Variants in MARCHF3 observed in about 807,000 individuals in gnomAD.
MARCHF3 encodes the protein membrane associated ring-CH-type finger 3.
MARCHF3 carries 13 observed loss-of-function variants against 24.2 expected under a neutral mutation model. The ratio of observed to expected loss-of-function variants is 0.54; its 90% CI spans 0.35 to 0.85. The LOEUF (loss-of-function observed/expected upper bound fraction) is 0.85, where lower values mean the gene tolerates loss of function less well. MARCHF3 is among the 40% of genes least tolerant of loss of function. MARCHF3 has a pLI of 0.01. For synonymous variants in MARCHF3, 144 were observed against 137.3 expected (o/e 1.05, Z -0.34); for missense variants, 276 against 325.0 (o/e 0.85, Z 1.16).
chr5:126,935,154 T>C (rs956654825), intron 1 of MARCHF3, among the ~76,000 whole-genome samples: 2 of 152,174 alleles, frequency 1.3e-5, no homozygotes, highest in Non-Finnish European at 2.9e-5. Flanking sequence ...GACTGGGCCA[T>C]AAGATGTCCA....
intron 1 of MARCHF3, among the ~76,000 whole-genome samples, chr5:126,927,645 C>T (rs946897345): frequency 5.3e-5 from 8 of 152,118 alleles, no homozygotes; most frequent in African/African-American, 1.9e-4. Context: ...GTGGGAGGAC[C>T]GGCATGCTGT....
chr5:126,979,294 T>A (rs1314959403), intron 1 of MARCHF3, among the ~76,000 whole-genome samples: 1 of 152,242 alleles, frequency 6.6e-6, no homozygotes, highest in Admixed American at 6.5e-5. Flanking sequence ...AGCACAAAGC[T>A]TGGCAAACAT....
At chr5:126,978,559 T>G (rs1751281070) in intron 1 of MARCHF3, among the ~76,000 whole-genome samples, 1 of 152,208 alleles carries the variant, frequency 6.6e-6, no homozygotes, top group Non-Finnish European at 1.5e-5. Flanking sequence ...ATTAAACATG[T>G]GACAGATATA....
chr5:126,957,644 G>A (rs1580681089), intron 1 of MARCHF3, among the ~76,000 whole-genome samples: 1 of 151,964 alleles, frequency 6.6e-6, no homozygotes, highest in Middle Eastern at 3.2e-3. Context: ...ACTTGAATCT[G>A]TTCCTAGATT....
chr5:127,021,128 T>G (rs74636254), intron 1 of MARCHF3, among the ~76,000 whole-genome samples: 2,065 of 152,192 alleles, frequency 0.014, 51 homozygotes, highest in African/African-American at 0.048. Flanking sequence ...CACTGGCTTT[T>G]TTTTTCAGCC....
intron 1 of MARCHF3, among the ~76,000 whole-genome samples, chr5:126,974,121 T>A (rs1427087408): frequency 2.0e-5 from 3 of 151,914 alleles, no homozygotes; most frequent in African/African-American, 7.3e-5. Flanking sequence ...ATGGTCTCGA[T>A]CTCCTGACCT....
chr5:126,892,999 C>T (rs1378664854), intron 3 of MARCHF3, among the ~76,000 whole-genome samples: 1 of 151,814 alleles, frequency 6.6e-6, no homozygotes, highest in Non-Finnish European at 1.5e-5. Flanking sequence ...GATTCAACTT[C>T]TTCCTGGTTG....
intron 1 of MARCHF3, among the ~76,000 whole-genome samples, chr5:127,019,991 C>A (rs968578169): frequency 6.6e-6 from 1 of 152,166 alleles, no homozygotes; most frequent in Non-Finnish European, 1.5e-5. Flanking sequence ...TAATTTACAA[C>A]ACTGGCATAG....
At chr5:126,902,567 C>G (rs1158468252) in intron 3 of MARCHF3, among the ~76,000 whole-genome samples, 2 of 152,092 alleles carry the variant, frequency 1.3e-5, no homozygotes, top group East Asian at 3.8e-4. Context: ...TAATCCTTTA[C>G]CAGCAGTGGA....
chr5:126,944,968 T>C (rs545475611), intron 1 of MARCHF3, among the ~76,000 whole-genome samples: 184 of 152,342 alleles, frequency 1.2e-3, no homozygotes, highest in African/African-American at 4.3e-3. Context: ...TTTACAATCT[T>C]AGTATTTTGC....
intron 1 of MARCHF3, among the ~76,000 whole-genome samples, chr5:126,920,225 CCAGA>C (rs965104002): frequency 7.7e-6 from 1 of 129,968 alleles, no homozygotes; most frequent in Non-Finnish European, 1.8e-5. Context: ...GTGACTGGGG[CCAGA>C]CAGTTGTTTT....
chr5:126,913,145 G>A lies in MARCHF3; in HGVS notation c.393+1785C>T, dbSNP rs535767377. Among the ~76,000 whole-genome samples, 4 of 152,356 alleles carry A rather than the reference G, an allele frequency of 2.6e-5. No homozygotes were observed. In the South Asian group the frequency reaches 6.2e-4, roughly 24 times the overall value. On this transcript the variant is annotated intron_variant, in intron 3 of 4. Coordinates refer to ENST00000308660, the MANE Select transcript of MARCHF3 (RefSeq NM_178450.5). ...CTGGGTGATTTGCCACATGGATTTC[G>A]TCTGAGAAAAATTAGGGTATGTACA...
intron 1 of MARCHF3, among the ~76,000 whole-genome samples, chr5:126,969,897 C>T (rs1750941454): frequency 6.6e-6 from 1 of 152,132 alleles, no homozygotes. Context: ...AACCATCTCG[C>T]CCTGGTGCTT....
intron 1 of MARCHF3, among the ~76,000 whole-genome samples, chr5:127,025,815 C>G (rs1367904784): frequency 6.6e-6 from 1 of 152,120 alleles, no homozygotes. Flanking sequence ...CAAGCTTAAG[C>G]TGTTGTGAAA....
At chr5:126,932,667 A>G (rs1749516979) in intron 1 of MARCHF3, among the ~76,000 whole-genome samples, 2 of 152,250 alleles carry the variant, frequency 1.3e-5, no homozygotes, top group Admixed American at 1.3e-4. Context: ...TTATCTTAAA[A>G]TACAGCATCA....
At chr5:126,910,820 C>A (rs1489676146) in intron 3 of MARCHF3, among the ~76,000 whole-genome samples, 1 of 152,220 alleles carries the variant, frequency 6.6e-6, no homozygotes, top group African/African-American at 2.4e-5. Flanking sequence ...TAACCTTAAA[C>A]TCTGACTGCT....
At chr5:127,028,840 A>G (rs971219176) in intron 1 of MARCHF3, among the ~76,000 whole-genome samples, 1 of 152,170 alleles carries the variant, frequency 6.6e-6, no homozygotes, top group Non-Finnish European at 1.5e-5. Flanking sequence ...CAGGCCAAAT[A>G]TTGAATGAAA....
intron 3 of MARCHF3, among the ~76,000 whole-genome samples, chr5:126,901,337 T>C (rs1754098239): frequency 6.6e-6 from 1 of 152,086 alleles, no homozygotes; most frequent in Non-Finnish European, 1.5e-5. Context: ...CTCTGGGGTG[T>C]GAACATCTTG....
intron 1 of MARCHF3, among the ~76,000 whole-genome samples, chr5:126,936,858 A>G (rs1749664022): frequency 1.3e-5 from 2 of 152,314 alleles, no homozygotes; most frequent in African/African-American, 4.8e-5. Context: ...CAGAAAGGAC[A>G]TTACAGATCT....
Sources: allele counts gnomAD v4.1 joint callset (sites outside exome capture counted in the v4.1 genomes callset), GRCh38; gene constraint gnomAD v4.1.1; transcripts MANE v1.5; gene names NCBI Gene and HGNC (gene_info 2026-07-23, HGNC 2026-07-21).